Variants in FAM13C observed in about 807,000 individuals in gnomAD.
FAM13C encodes the protein protein FAM13C.
Under a neutral mutation model 73.2 loss-of-function variants are expected in FAM13C, and 37 were observed. That is an observed-to-expected ratio of 0.51 (90% confidence interval 0.39 to 0.67). FAM13C has a LOEUF of 0.67. Among genes scored for constraint, FAM13C ranks in the 30% least tolerant of loss-of-function variants. FAM13C has a pLI of 0.00. For missense variants in FAM13C, 589 were observed against 715.6 expected (o/e 0.82, Z 2.02); for synonymous variants, 246 against 260.9 (o/e 0.94, Z 0.55).
Position 59,249,064 on chromosome 10 carries a change from C to A in FAM13C, c.1635-1327G>T, listed in dbSNP as rs1361101823. 2.0e-5 allele frequency among the ~76,000 whole-genome samples: 3 copies of A among 152,208 alleles called. No individual in the cohort carries two copies. In the East Asian group the frequency reaches 5.8e-4, roughly 29 times the overall value. On this transcript the variant is annotated intron_variant, in intron 13 of 13. Transcript: ENST00000618804. ...ATTATTACAGAGAAACATTAATAAT[C>A]AATTATGTAATTTTCCGTAGTTTTG...
intron 4 of FAM13C, among the ~76,000 whole-genome samples, chr10:59,305,621 G>T (rs971115510): frequency 6.8e-6 from 1 of 147,668 alleles, no homozygotes; most frequent in Admixed American, 6.8e-5. Flanking sequence ...ATATTCTTAA[G>T]AATACAATTT....
In FAM13C at chr10:59,323,991, G is replaced by A. The variant is rs1169224367; in HGVS notation, c.440C>T (p.Pro147Leu). The change falls in exon 4 of 14, where the codon CCA becomes CTA. Residue 147 changes from proline (P) to leucine (L), a missense_variant. Physicochemically the swap from Pro to Leu is moderately conservative, Grantham distance 98. Coordinates refer to ENST00000618804, the MANE Select transcript of FAM13C (RefSeq NM_198215.4). ...CTTCTGATAACAAAGGGCCCACCTT[G>A]GTTGAAGTCGCACTGTTTCTTGGCA... ...FKCQETVRLQ[P>L]RIDQRTAISP... is the part of the protein sequence containing the mutation. The A allele has an allele frequency of 1.2e-6, 2 of 1,612,298 alleles. No homozygotes were observed. Among genetic ancestry groups the A allele is most frequent in the East Asian group, 4.5e-5 (2 of 44,868 alleles).
At position 59,351,317 on chromosome 10, in the gene FAM13C, G is replaced by A. The variant is rs546009575; in HGVS notation, c.324+953C>T. On this transcript the variant is annotated intron_variant, in intron 3 of 13. Transcript: ENST00000618804. ...ACTGCACTCCAGCCTGGTTGACAGA[G>A]TGAGACCCTGTCTCAAAAAAAAAAA... Among the ~76,000 whole-genome samples the A allele has an allele frequency of 3.9e-3, 427 of 110,478 alleles. 1 individual carries two copies. The highest frequency in any genetic ancestry group is 9.4e-3 in the Admixed American group (92 of 9,738). The allele number at this position is 110,478 out of a possible 152,430, so 72.5% of individuals were successfully genotyped here.
At chr10:59,261,912 C>T (rs1842543167) in intron 10 of FAM13C, among the ~76,000 whole-genome samples, 1 of 152,018 alleles carries the variant, frequency 6.6e-6, no homozygotes, top group Admixed American at 6.6e-5. Flanking sequence ...CTAGATGCCT[C>T]ACAGAGACTT....
At chr10:59,253,045 G>A (rs1397555944) in intron 11 of FAM13C, 47 bp from the exon 12 acceptor site, 8 of 1,583,900 alleles carry the variant, frequency 5.1e-6, no homozygotes, top group Non-Finnish European at 6.1e-6. Flanking sequence ...AATGCTCAGT[G>A]CCTCTTGAGG....
rs910449793 is a variant in FAM13C, at chr10:59,317,930, T to C, written c.443+6058A>G. 2.6e-5 allele frequency among the ~76,000 whole-genome samples: 4 copies of C among 151,632 alleles called. No individual in the cohort carries two copies. In the South Asian group the frequency reaches 6.3e-4, roughly 24 times the overall value. On this transcript the variant is annotated intron_variant, in intron 4 of 13. Coordinates refer to ENST00000618804, the MANE Select transcript of FAM13C (RefSeq NM_198215.4). ...CCACAACAGTCCCCAGAGTGTGATGTTCCCCTTCCTGTGTCCATGTGTTCT... is the reference window on the plus strand; with the variant it reads ...CCACAACAGTCCCCAGAGTGTGATGCTCCCCTTCCTGTGTCCATGTGTTCT...
At chr10:59,303,633 A>G (rs1415866927) in intron 4 of FAM13C, among the ~76,000 whole-genome samples, 3 of 152,194 alleles carry the variant, frequency 2.0e-5, no homozygotes, top group Admixed American at 6.5e-5. Context: ...TGTTCCCACC[A>G]AAACTCATGT....
chr10:59,347,125 A>T (rs10763604), intron 3 of FAM13C, among the ~76,000 whole-genome samples: 76,860 of 151,998 alleles, frequency 0.51, 21,694 homozygotes, highest in Non-Finnish European at 0.62. Flanking sequence ...AACTGATTCC[A>T]ATTCAAATAA....
At chr10:59,265,335 G>GCGGGGGAA (rs78422182) in intron 8 of FAM13C, among the ~76,000 whole-genome samples, 2 of 16,056 alleles carry the variant, frequency 1.2e-4, no homozygotes, top group African/African-American at 5.7e-4. Flanking sequence ...GGGGGGGGGG[G>GCGGGGGAA]AATCCTGGTT....
At chr10:59,298,247 C>A (rs1350555608) in intron 5 of FAM13C, among the ~76,000 whole-genome samples, 1 of 152,144 alleles carries the variant, frequency 6.6e-6, no homozygotes, top group Non-Finnish European at 1.5e-5. Flanking sequence ...AATAAGGAAT[C>A]CATGTAAGGC....
intron 9 of FAM13C, 183 bp downstream of exon 9, chr10:59,263,902 T>C (rs780170401): frequency 1.5e-5 from 9 of 596,958 alleles, no homozygotes; most frequent in Non-Finnish European, 2.1e-5. Context: ...AGGAGGTTTA[T>C]TACATGGGGC....
intron 3 of FAM13C, among the ~76,000 whole-genome samples, chr10:59,338,450 C>T (rs931524598): frequency 6.6e-6 from 1 of 152,172 alleles, no homozygotes; most frequent in Non-Finnish European, 1.5e-5. Context: ...AGTTCAAAAC[C>T]TGGACTGATG....
At chr10:59,361,257 C>T (rs771297837) in intron 1 of FAM13C, 40 of 400,304 alleles carry the variant, frequency 1.0e-4, no homozygotes, top group Non-Finnish European at 1.7e-4. Flanking sequence ...CAAAACTGGA[C>T]ACTAAAGGAG....
rs1375857639 is a variant in FAM13C at position 59,265,333 on chromosome 10, G to GA, written c.943-1168_943-1167insT. Among the ~76,000 whole-genome samples, 492 of 60,334 alleles carry GA rather than the reference G, an allele frequency of 8.2e-3. 118 individuals carry two copies. Among genetic ancestry groups the GA allele is most frequent in the Non-Finnish European group, 0.016 (396 of 24,662 alleles). 39.6% of individuals were successfully genotyped at this position (60,334 alleles called of 152,430 possible). ...GGAAGGGGTTTTGGCGGGGGGGGGG[G>GA]GGAATCCTGGTTTCAGGACCATGGA... On this transcript the variant is annotated intron_variant, in intron 8 of 13. Transcript: ENST00000618804.
At chr10:59,251,332 T>G in intron 13 of FAM13C, 1 of 460,796 alleles carries the variant, frequency 2.2e-6, no homozygotes, top group Non-Finnish European at 3.8e-6. Context: ...AGTTAGAGAT[T>G]TTTGGAGTTT....
intron 3 of FAM13C, among the ~76,000 whole-genome samples, chr10:59,344,564 G>C (rs1854042440): frequency 6.6e-6 from 1 of 152,056 alleles, no homozygotes; most frequent in South Asian, 2.1e-4. Flanking sequence ...TTACAGGCTT[G>C]AGCCATCACG....
At position 59,362,438 on chromosome 10, in the gene FAM13C, C is replaced by G; in HGVS notation, c.23G>C (p.Ser8Thr). The change falls in exon 1 of 14, where the codon AGC becomes ACC. Residue 8 changes from serine (S) to threonine (T), a missense_variant. By Grantham distance (58) the Ser-to-Thr change is moderately conservative. Transcript: ENST00000618804. ...GCTGCTGAAGGAATTATCCTGAAGG[C>G]TGAAACAGAAACAAGAAAACATCAG... MFSCFCF[S>T]LQDNSFSSTT... 5 of 1,613,988 alleles carry G rather than the reference C, an allele frequency of 3.1e-6. No homozygotes were observed. Among genetic ancestry groups the G allele is most frequent in the Non-Finnish European group, 4.2e-6 (5 of 1,179,944 alleles).
At chr10:59,350,456 G>T (rs1042605508) in intron 3 of FAM13C, among the ~76,000 whole-genome samples, 1 of 152,170 alleles carries the variant, frequency 6.6e-6, no homozygotes, top group Non-Finnish European at 1.5e-5. Flanking sequence ...ACATCCCTGG[G>T]ATCAGTCAGA....
At chr10:59,257,168 G>A (rs918290301) in intron 10 of FAM13C, among the ~76,000 whole-genome samples, 3 of 152,158 alleles carry the variant, frequency 2.0e-5, no homozygotes, top group Non-Finnish European at 2.9e-5. Flanking sequence ...AGGAGGTTGA[G>A]CAAGAGAGGA....
Sources: allele counts gnomAD v4.1 joint callset (sites outside exome capture counted in the v4.1 genomes callset), GRCh38; gene constraint gnomAD v4.1.1; transcripts MANE v1.5; gene names NCBI Gene and HGNC (gene_info 2026-07-23, HGNC 2026-07-21).